STK3: variants seen among roughly 807,000 people sequenced by gnomAD.
STK3 encodes serine/threonine-protein kinase 3.
In STK3, 41 loss-of-function variants were observed where a neutral mutation model predicts 58.0. The observed-to-expected ratio is 0.71, with a 90% CI of 0.55 to 0.92. The LOEUF (loss-of-function observed/expected upper bound fraction) is 0.92. Among genes scored for constraint, STK3 ranks in the 40% least tolerant of loss-of-function variants. STK3 has a pLI of 0.00. For missense variants in STK3, 479 were observed against 602.7 expected (o/e 0.79, Z 2.15); for synonymous variants, 170 against 191.0 (o/e 0.89, Z 0.91).
At position 98,501,615 on chromosome 8, in the gene STK3, C is replaced by T. The variant is rs559719280; in HGVS notation, c.1317+25127G>A. Among the ~76,000 whole-genome samples the T allele has an allele frequency of 1.1e-3, 164 of 152,310 alleles. 2 individuals are homozygous for T. The highest frequency in any genetic ancestry group is 3.5e-3 in the Admixed American group (54 of 15,308). ...AAGGAAGGGATCCAGTTTCAGCTTT[C>T]TACATATGGCTAGCCAGTTTTCCTA... is the stretch of plus-strand genomic sequence containing the variant. On this transcript the variant is annotated intron_variant, in intron 10 of 10. Transcript: ENST00000419617.
At chr8:98,488,176 G>A (rs1456592028) in intron 10 of STK3, among the ~76,000 whole-genome samples, 1 of 152,190 alleles carries the variant, frequency 6.6e-6, no homozygotes, top group Non-Finnish European at 1.5e-5. Context: ...AAGACTGGGC[G>A]ACATGGCTTT....
At chr8:98,478,368 TC>T (rs1330512570) in intron 10 of STK3, among the ~76,000 whole-genome samples, 1 of 152,086 alleles carries the variant, frequency 6.6e-6, no homozygotes, top group Non-Finnish European at 1.5e-5. Flanking sequence ...GAGAAGGGTT[TC>T]CCCTACCTAA....
intron 3 of STK3, among the ~76,000 whole-genome samples, chr8:98,873,036 G>A (rs1016259307): frequency 6.6e-6 from 1 of 152,072 alleles, no homozygotes; most frequent in Non-Finnish European, 1.5e-5. Context: ...CTGGTATGTT[G>A]TGTCTTTGTT....
intron 1 of STK3, among the ~76,000 whole-genome samples, chr8:98,796,127 A>C (rs935709431): frequency 2.0e-5 from 3 of 152,204 alleles, no homozygotes; most frequent in Admixed American, 6.5e-5. Context: ...TTTTGGACAA[A>C]ACTAGAAAAA....
At chr8:98,391,013 ACT>A (rs1384927743), upstream of STK3, among the ~76,000 whole-genome samples, 1 of 151,838 alleles carries the variant, frequency 6.6e-6, no homozygotes, top group Admixed American at 6.6e-5. Context: ...GATAATTCTA[ACT>A]CTGTGTCATC....
intron 4 of STK3, among the ~76,000 whole-genome samples, chr8:98,744,857 A>G (rs952501602): frequency 6.6e-6 from 1 of 152,140 alleles, no homozygotes; most frequent in Non-Finnish European, 1.5e-5. Flanking sequence ...AAGCCAGTTA[A>G]AAAGGGATAG....
At chr8:98,468,877 GA>G (rs1257700160) in intron 10 of STK3, among the ~76,000 whole-genome samples, 3 of 152,192 alleles carry the variant, frequency 2.0e-5, no homozygotes, top group Non-Finnish European at 2.9e-5. Context: ...TTGGGAGGCT[GA>G]GGCAGGCGGA....
At chr8:98,373,320 C>A (rs1370293488) in intron 2 of STK3, among the ~76,000 whole-genome samples, 1 of 152,206 alleles carries the variant, frequency 6.6e-6, no homozygotes, top group Non-Finnish European at 1.5e-5. Context: ...GATCCACATT[C>A]TTTTCCATGT....
At chr8:98,826,606 A>G (rs1835319558), upstream of STK3, among the ~76,000 whole-genome samples, 1 of 152,192 alleles carries the variant, frequency 6.6e-6, no homozygotes, top group Non-Finnish European at 1.5e-5. Context: ...AGCAGCCCTC[A>G]TCCCATTGTA....
chr8:98,636,899 T>C (rs572635098), intron 6 of STK3, among the ~76,000 whole-genome samples: 1 of 152,216 alleles, frequency 6.6e-6, no homozygotes, highest in East Asian at 1.9e-4. Flanking sequence ...TAAAATAGCA[T>C]TTGAAAATGT....
Position 98,596,151 on chromosome 8 carries a change from T to C in STK3, c.703A>G (p.Thr235Ala), listed in dbSNP as rs776353449. ...TTTCTGAATGTTGGTGGTGGATTTG[T>C]GGGAATCATAAAAATAGCCTAGTAC... is the stretch of plus-strand genomic sequence containing the variant. ...HPMRAIFMIPTNPPPTFRKPE... is the reference protein window; with the variant it reads ...HPMRAIFMIPANPPPTFRKPE... Residue 235 changes from threonine to alanine, a missense_variant, in exon 7 of 11, where the codon ACA becomes GCA. Thr to Ala is a moderately conservative substitution (Grantham distance 58). This residue lies in a region of STK3 where 309 missense variants were observed against 355.7 expected (regional missense o/e 0.87). Transcript: ENST00000419617. The C allele has an allele frequency of 1.2e-5, 20 of 1,612,638 alleles. No homozygotes were observed. The highest frequency in any genetic ancestry group is 1.6e-4 in the Middle Eastern group (1 of 6,084).
chr8:98,941,585 T>A (rs554638868), intron 1 of STK3, among the ~76,000 whole-genome samples: 1 of 152,244 alleles, frequency 6.6e-6, no homozygotes, highest in South Asian at 2.1e-4. Flanking sequence ...GCGGTCCGAG[T>A]GGGAGAGGCT....
At chr8:98,865,081 A>T (rs1034902186) in intron 3 of STK3, among the ~76,000 whole-genome samples, 1 of 152,186 alleles carries the variant, frequency 6.6e-6, no homozygotes, top group Non-Finnish European at 1.5e-5. Context: ...AATAGAAGCC[A>T]TACAGCATTT....
chr8:98,794,687 A>G (rs1171545675), intron 1 of STK3, among the ~76,000 whole-genome samples: 2 of 152,138 alleles, frequency 1.3e-5, no homozygotes, highest in Non-Finnish European at 2.9e-5. Context: ...CCCTGATACG[A>G]AAACCTGGCA....
At chr8:98,867,869 G>T (rs917060173) in intron 3 of STK3, among the ~76,000 whole-genome samples, 1 of 152,166 alleles carries the variant, frequency 6.6e-6, no homozygotes, top group Non-Finnish European at 1.5e-5. Context: ...CCTATAATAA[G>T]CCCCTGGTAA....
intron 6 of STK3, among the ~76,000 whole-genome samples, chr8:98,627,496 G>GAAAAAAAAA (rs71572020): frequency 6.9e-5 from 7 of 100,990 alleles, no homozygotes; most frequent in Non-Finnish European, 1.0e-4. Flanking sequence ...AAAGAAAAAA[G>GAAAAAAAAA]AAAAAAAAAA....
At chr8:98,408,016 T>C (rs1818015658) in intron 3 of STK3, among the ~76,000 whole-genome samples, 1 of 152,204 alleles carries the variant, frequency 6.6e-6, no homozygotes. Context: ...TTCATCGGCT[T>C]TGCAGAGAGC....
At chr8:98,533,960 G>T (rs530367824) in intron 9 of STK3, among the ~76,000 whole-genome samples, 1 of 152,198 alleles carries the variant, frequency 6.6e-6, no homozygotes, top group South Asian at 2.1e-4. Context: ...CAGGAGCCAT[G>T]GTTTTTCATC....
chr8:98,617,046 G>A (rs1330790965), intron 6 of STK3, among the ~76,000 whole-genome samples: 1 of 151,294 alleles, frequency 6.6e-6, no homozygotes, highest in Non-Finnish European at 1.5e-5. Flanking sequence ...TTCCAAAATT[G>A]ACCACATAGT....
Sources: allele counts gnomAD v4.1 joint callset (sites outside exome capture counted in the v4.1 genomes callset), GRCh38; gene constraint gnomAD v4.1.1; regional missense constraint gnomAD v4.1.1; transcripts MANE v1.5; gene names NCBI Gene and HGNC (gene_info 2026-07-23, HGNC 2026-07-21).